Variants in GRID1 observed in about 807,000 individuals in gnomAD.
The protein encoded by GRID1 is glutamate ionotropic receptor delta type subunit 1, also known as glutamate receptor ionotropic, delta-1.
In GRID1, 28 loss-of-function variants were observed where a neutral mutation model predicts 98.0. That is an observed-to-expected ratio of 0.29 (90% CI 0.21 to 0.39). The LOEUF is 0.39. Ranked by LOEUF, GRID1 falls within the 10% of genes least tolerant of loss-of-function variation. The pLI is 1.00. For synonymous variants in GRID1, 553 were observed against 538.5 expected, an observed-to-expected ratio of 1.03 and a Z score of -0.37; for missense variants, 1,111 against 1,340.5, an observed-to-expected ratio of 0.83 and a Z score of 2.67.
At chr10:85,962,275 A>C (rs1172211521) in intron 4 of GRID1, among the ~76,000 whole-genome samples, 1 of 152,058 alleles carries the variant, frequency 6.6e-6, no homozygotes, top group Non-Finnish European at 1.5e-5. Context: ...TCCCCTACAA[A>C]GTTGCTTAGC....
chr10:86,359,370 G>A (rs1848573563), intron 2 of GRID1, among the ~76,000 whole-genome samples: 1 of 152,198 alleles, frequency 6.6e-6, no homozygotes, highest in Admixed American at 6.5e-5. Flanking sequence ...GCCTCTAGCA[G>A]AATGTCTAGA....
intron 8 of GRID1, among the ~76,000 whole-genome samples, chr10:85,742,793 G>T (rs112296277): frequency 1.4e-3 from 218 of 152,240 alleles, no homozygotes; most frequent in African/African-American, 5.0e-3. Flanking sequence ...TTAAATCTGG[G>T]CTGAATCTGA....
chr10:86,215,520 C>T (rs188646629), intron 2 of GRID1, among the ~76,000 whole-genome samples: 79 of 152,312 alleles, frequency 5.2e-4, no homozygotes, highest in Middle Eastern at 3.4e-3. Flanking sequence ...TTAGGCTCCC[C>T]AGCCAGGATT....
At chr10:85,934,825 G>A (rs905480201) in intron 4 of GRID1, among the ~76,000 whole-genome samples, 1 of 152,128 alleles carries the variant, frequency 6.6e-6, no homozygotes, top group African/African-American at 2.4e-5. Context: ...GGTGAGTAGG[G>A]ACCTCCTGCC....
intron 5 of GRID1, among the ~76,000 whole-genome samples, chr10:85,891,675 G>A (rs1348588770): frequency 6.6e-6 from 1 of 152,132 alleles, no homozygotes; most frequent in Non-Finnish European, 1.5e-5. Flanking sequence ...ACAGACTAAA[G>A]AGATCTGCAT....
chr10:85,802,129 G>A (rs926448564), intron 8 of GRID1, among the ~76,000 whole-genome samples: 6 of 151,934 alleles, frequency 3.9e-5, no homozygotes, highest in African/African-American at 1.4e-4. Flanking sequence ...CATGATCAAG[G>A]AAAACAAGAC....
chr10:85,613,918 C>T (rs1256842571), intron 14 of GRID1, among the ~76,000 whole-genome samples: 1 of 152,186 alleles, frequency 6.6e-6, no homozygotes, highest in Admixed American at 6.5e-5. Context: ...TAAAGTCTAA[C>T]AGCAAATCAC....
At chr10:86,310,743 T>C (rs1419480952) in intron 2 of GRID1, among the ~76,000 whole-genome samples, 1 of 152,188 alleles carries the variant, frequency 6.6e-6, no homozygotes, top group Non-Finnish European at 1.5e-5. Context: ...AGACTCCACA[T>C]CTGCTGGAGC....
At chr10:85,686,102 T>G (rs542574545) in intron 12 of GRID1, among the ~76,000 whole-genome samples, 1 of 152,040 alleles carries the variant, frequency 6.6e-6, no homozygotes, top group Non-Finnish European at 1.5e-5. Context: ...TTCAAGGAAG[T>G]TCTGGAAAAA....
chr10:86,017,828 G>C (rs1842998964), intron 4 of GRID1, among the ~76,000 whole-genome samples: 1 of 152,242 alleles, frequency 6.6e-6, no homozygotes, highest in African/African-American at 2.4e-5. Flanking sequence ...GGAAGATTTG[G>C]GAGAGGATGC....
At chr10:85,684,580 G>T (rs1474452341) in intron 12 of GRID1, among the ~76,000 whole-genome samples, 3 of 152,278 alleles carry the variant, frequency 2.0e-5, no homozygotes, top group Non-Finnish European at 4.4e-5. Context: ...AGAAATGAAA[G>T]AATTTCTTAA....
rs1395646676 is a variant in GRID1, at chr10:85,602,622, G to A, written c.2681C>T (p.Ser894Phe). 6.2e-7 allele frequency: 1 copy of A among 1,613,968 alleles called. No homozygotes were observed. Among genetic ancestry groups the A allele is most frequent in the Non-Finnish European group, 8.5e-7 (1 of 1,179,934 alleles). The change falls in exon 16 of 16, where the codon TCC becomes TTC. Residue 894 changes from serine to phenylalanine, a missense_variant. Ser to Phe is a radical substitution (Grantham distance 155). Transcript: ENST00000327946. ...GGCCGAGAGCTCAATCGACGCTGGG[G>A]AAATCTGCTTGTGAGCAATGTCTTC... is the stretch of plus-strand genomic sequence containing the variant. ...MDEDIAHKQI[S>F]PASIELSALE...
chr10:85,770,355 G>C lies in GRID1; in HGVS notation c.1234-40741C>G, dbSNP rs377322215. Among the ~76,000 whole-genome samples the C allele has an allele frequency of 2.9e-3, 447 of 152,176 alleles. 23 individuals carry two copies. In the South Asian group the frequency reaches 0.086, roughly 29 times the overall value. On this transcript the variant is annotated intron_variant, in intron 8 of 15. Coordinates refer to ENST00000327946, the MANE Select transcript of GRID1 (RefSeq NM_017551.3). ...TCACCATCATCAAAGACGAAAAGTAGATAAAACCACAAAGATGGGGAAAAA... is the reference window on the plus strand; with the variant it reads ...TCACCATCATCAAAGACGAAAAGTACATAAAACCACAAAGATGGGGAAAAA...
At chr10:86,241,639 T>G (rs1163212444) in intron 2 of GRID1, among the ~76,000 whole-genome samples, 1 of 152,256 alleles carries the variant, frequency 6.6e-6, no homozygotes, top group Admixed American at 6.5e-5. Flanking sequence ...AATTAATTAT[T>G]GCAATATCAA....
At chr10:86,115,680 C>G (rs781694415) in intron 4 of GRID1, among the ~76,000 whole-genome samples, 1 of 152,204 alleles carries the variant, frequency 6.6e-6, no homozygotes, top group Non-Finnish European at 1.5e-5. Context: ...TTCTGCTAAC[C>G]CGTGAGGTGA....
At chr10:85,637,987 G>A (rs1843069969) in intron 13 of GRID1, among the ~76,000 whole-genome samples, 1 of 151,968 alleles carries the variant, frequency 6.6e-6, no homozygotes, top group African/African-American at 2.4e-5. Context: ...TCACAGGGTG[G>A]GGTTAAAACA....
At chr10:85,903,006 G>A (rs1219258316) in intron 5 of GRID1, among the ~76,000 whole-genome samples, 1 of 152,058 alleles carries the variant, frequency 6.6e-6, no homozygotes, top group African/African-American at 2.4e-5. Context: ...GCCAGGGTTT[G>A]GGCCTCTTCG....
intron 2 of GRID1, among the ~76,000 whole-genome samples, chr10:86,213,444 G>C (rs1846133152): frequency 6.6e-6 from 1 of 151,914 alleles, no homozygotes; most frequent in Non-Finnish European, 1.5e-5. Flanking sequence ...TCATGAATCA[G>C]AAGCCATCAT....
intron 4 of GRID1, among the ~76,000 whole-genome samples, chr10:86,127,202 A>T (rs1449830608): frequency 6.6e-6 from 1 of 152,032 alleles, no homozygotes; most frequent in Non-Finnish European, 1.5e-5. Context: ...TTCTCTCTCT[A>T]GTGTAGTCTG....
Sources: gnomAD v4.1 joint callset for allele counts (sites outside exome capture counted in the v4.1 genomes callset) on GRCh38, gnomAD v4.1.1 for gene constraint, MANE v1.5 for transcripts, NCBI Gene and HGNC (gene_info 2026-07-23, HGNC 2026-07-21) for gene names.